Variants in NCOR2 observed in about 807,000 individuals in gnomAD.
The protein encoded by NCOR2 is nuclear receptor corepressor 2.
In NCOR2, 81 loss-of-function variants were observed where a neutral mutation model predicts 262.9. The ratio of observed to expected loss-of-function variants is 0.31; its 90% CI spans 0.26 to 0.37. NCOR2 has a LOEUF of 0.37. Ranked by LOEUF, NCOR2 falls within the 10% of genes least tolerant of loss-of-function variation. NCOR2 has a pLI of 1.00. For missense variants in NCOR2, 3,385 were observed against 3,621.4 expected, an observed-to-expected ratio of 0.93 and a Z score of 1.68; for synonymous variants, 1,659 against 1,559.3, an observed-to-expected ratio of 1.06 and a Z score of -1.51.
At chr12:124,340,270 G>A in intron 36 of NCOR2, 24 bp downstream of exon 38, 1 of 1,608,074 alleles carries the variant, frequency 6.2e-7, no homozygotes, top group Non-Finnish European at 8.5e-7. Flanking sequence ...CCCGGAGCGG[G>A]GGGTGGGGGC....
At chr12:124,557,687 C>A (rs528753138) in intron 1 of NCOR2, among the ~76,000 whole-genome samples, 3 of 152,036 alleles carry the variant, frequency 2.0e-5, no homozygotes, top group African/African-American at 7.3e-5. Flanking sequence ...GCAGACGATG[C>A]GAAAATAAAA....
chr12:124,418,944 C>T (rs1028610477), intron 13 of NCOR2, among the ~76,000 whole-genome samples: 5 of 152,108 alleles, frequency 3.3e-5, no homozygotes, highest in Non-Finnish European at 7.4e-5. Context: ...CACTCTCACC[C>T]GGCCCCCACC....
At chr12:124,429,283 A>G (rs543809978) in intron 10 of NCOR2, 3 of 335,738 alleles carry the variant, frequency 8.9e-6, no homozygotes, top group East Asian at 1.3e-4. Context: ...GGGAAGTTCC[A>G]AAAGGAGGCA....
chr12:124,325,379 C>CCGG, exon 47 of NCOR2: 1 of 317,188 alleles, frequency 3.2e-6, no homozygotes. Flanking sequence ...CTGACACCGC[C>CCGG]CCCCCCCCCG....
chr12:124,439,891 G>A (rs1004411439), intron 7 of NCOR2, among the ~76,000 whole-genome samples: 1 of 152,018 alleles, frequency 6.6e-6, no homozygotes, highest in Non-Finnish European at 1.5e-5. Flanking sequence ...CCTGAGACAG[G>A]CAAAGGGAGG....
chr12:124,482,905 C>T lies in NCOR2; in HGVS notation c.411+691G>A, dbSNP rs1306429313. ...AGCAGCCAGACTGGGCAGTAGAAGG[C>T]GGCTTTGTCATTCTAGGGGTCCAGG... On this transcript the variant is annotated intron_variant, in intron 3 of 46. Coordinates refer to ENST00000405201, the Ensembl canonical transcript of NCOR2. This position sits in a 1 kb window ranked among gnomAD's most constrained non-coding sequence, Gnocchi z 6.3. Among the ~76,000 whole-genome samples, 1 of 152,190 alleles carries T rather than the reference C, an allele frequency of 6.6e-6. No individual in the cohort carries two copies. Among genetic ancestry groups the T allele is most frequent in the African/African-American group, 2.4e-5 (1 of 41,426 alleles).
chr12:124,402,133 G>A (rs2042016676), intron 14 of NCOR2, among the ~76,000 whole-genome samples: 2 of 152,210 alleles, frequency 1.3e-5, no homozygotes, highest in Non-Finnish European at 2.9e-5. Flanking sequence ...CAGGAGTGGA[G>A]CTCAAATGAG....
chr12:124,347,735 C>T, intron 30 of NCOR2, 90 bp downstream of exon 32: 2 of 1,340,066 alleles, frequency 1.5e-6, no homozygotes, highest in Non-Finnish European at 2.1e-6. Context: ...CCTGAGTTCC[C>T]ACCACACTCT....
intron 1 of NCOR2, among the ~76,000 whole-genome samples, chr12:124,488,797 C>T (rs547490246): frequency 1.1e-4 from 17 of 152,332 alleles, no homozygotes; most frequent in Middle Eastern, 3.4e-3. Flanking sequence ...AGAAGCAGGG[C>T]GGACGGTCCA....
At chr12:124,411,244 G>A (rs890693993) in intron 13 of NCOR2, among the ~76,000 whole-genome samples, 8 of 151,828 alleles carry the variant, frequency 5.3e-5, no homozygotes, top group African/African-American at 1.9e-4. Flanking sequence ...AGAAACAGAC[G>A]TAGCCACCCG....
intron 1 of NCOR2, among the ~76,000 whole-genome samples, chr12:124,551,937 T>G (rs2051727070): frequency 6.6e-6 from 1 of 152,122 alleles, no homozygotes. Flanking sequence ...CTGTGGCTTG[T>G]CATGAGACAT....
chr12:124,515,213 CA>C (rs1219054702), intron 1 of NCOR2, among the ~76,000 whole-genome samples: 4 of 151,904 alleles, frequency 2.6e-5, no homozygotes, highest in African/African-American at 7.3e-5. Flanking sequence ...ACTAAAAATA[CA>C]AACATTAGCT....
At position 124,378,853 on chromosome 12, in the gene NCOR2, C is replaced by T. The variant is rs1005552514; in HGVS notation, c.2020-469G>A. 6.6e-6 allele frequency among the ~76,000 whole-genome samples: 1 copy of T among 152,248 alleles called. No homozygotes were observed. Among genetic ancestry groups the T allele is most frequent in the African/African-American group, 2.4e-5 (1 of 41,470 alleles). Reference sequence around the variant, plus strand: ...TCATTCCCTGAACCTTTACAGAACACCTACTGTGTGCCCAGCTCTGCATAC... The same window carrying T: ...TCATTCCCTGAACCTTTACAGAACATCTACTGTGTGCCCAGCTCTGCATAC... On this transcript the variant is annotated intron_variant, in intron 17 of 46. Coordinates refer to ENST00000405201, the Ensembl canonical transcript of NCOR2. This position sits in a 1 kb window ranked among gnomAD's most constrained non-coding sequence, Gnocchi z 4.2.
rs557079274 is a variant in NCOR2 at position 124,517,193 on chromosome 12, C to T, written c.-118+18372G>A. 3.9e-5 allele frequency among the ~76,000 whole-genome samples: 6 copies of T among 152,146 alleles called. No homozygotes were observed. The highest frequency in any genetic ancestry group is 8.8e-5 in the Non-Finnish European group (6 of 68,024). On this transcript the variant is annotated intron_variant, in intron 1 of 46. Transcript: ENST00000404621. This position sits in a 1 kb window ranked among gnomAD's most constrained non-coding sequence, Gnocchi z 7.6. ...CCAAGGTCACACAGCATAGAGAGGA[C>T]GGAGCCAGGACTCAAACCCAGGTCT...
chr12:124,543,946 C>T (rs1051029403), intron 1 of NCOR2, among the ~76,000 whole-genome samples: 4 of 152,342 alleles, frequency 2.6e-5, no homozygotes, highest in African/African-American at 9.6e-5. Flanking sequence ...ATGATTAACT[C>T]GTTTAATTCT....
intron 45 of NCOR2, 23 bp downstream of exon 47, chr12:124,327,381 GGGGGC>G: frequency 1.9e-6 from 3 of 1,549,130 alleles, no homozygotes; most frequent in Middle Eastern, 2.3e-4. Flanking sequence ...GGGGACAGAC[GGGGGC>G]GGGGCGGGGG....
At chr12:124,335,362 G>A (rs2035788861) in intron 39 of NCOR2, 82 bp from the exon 42 acceptor site, 14 of 1,501,356 alleles carry the variant, frequency 9.3e-6, no homozygotes, top group Non-Finnish European at 1.2e-5. Context: ...ATGCCTTTGA[G>A]CCTCATGATC....
chr12:124,337,282 G>C, intron 37 of NCOR2, 102 bp from the exon 40 acceptor site: 1 of 1,353,694 alleles, frequency 7.4e-7, no homozygotes, highest in South Asian at 1.3e-5. Context: ...CACATCCCCT[G>C]CTGCTCCCAG....
intron 1 of NCOR2, among the ~76,000 whole-genome samples, chr12:124,542,331 C>T (rs1433494683): frequency 6.6e-6 from 1 of 152,060 alleles, no homozygotes; most frequent in African/African-American, 2.4e-5. Context: ...CCCTGACCAG[C>T]GGCCACACCG....
Sources: gnomAD v4.1 joint callset for allele counts (sites outside exome capture counted in the v4.1 genomes callset) on GRCh38, gnomAD v4.1.1 for gene constraint, Gnocchi (gnomAD v3.1) non-coding constraint, MANE v1.5 for transcripts, NCBI Gene and HGNC (gene_info 2026-07-23, HGNC 2026-07-21) for gene names.